The following ATAD3B variants were observed in gnomAD, a reference collection of about 807,000 sequenced individuals.
ATAD3B encodes the protein ATPase family AAA domain-containing protein 3B.
Under a neutral mutation model 70.2 loss-of-function variants are expected in ATAD3B, and 59 were observed. The ratio of observed to expected loss-of-function variants is 0.84; its 90% confidence interval spans 0.68 to 1.04. ATAD3B has a LOEUF of 1.04. Ranked by LOEUF, ATAD3B falls within the 50% of genes least tolerant of loss-of-function variation. The pLI is 0.00. For missense variants in ATAD3B, 961 were observed against 913.4 expected (o/e 1.05, Z -0.67); for synonymous variants, 423 against 388.6 (o/e 1.09, Z -1.04).
chr1:1,491,483 A>G (rs1232580727), intron 15 of ATAD3B, among the ~76,000 whole-genome samples: 1 of 151,930 alleles, frequency 6.6e-6, no homozygotes, highest in Non-Finnish European at 1.5e-5. Context: ...ATGAGCCAAG[A>G]TCGCACCACC....
chr1:1,483,445 G>A (rs1024002078), intron 7 of ATAD3B: 4 of 205,544 alleles, frequency 1.9e-5, no homozygotes, highest in African/African-American at 7.2e-5. Context: ...CCAACCTGTG[G>A]AAGAAGAGCG....
chr1:1,503,766 G>T, the ATAD3B span: 1 of 1,514,892 alleles, frequency 6.6e-7, no homozygotes. Context: ...CATGTACATG[G>T]GCAGCAGTGG....
Position 1,495,901 on chromosome 1 carries a change from A to T in ATAD3B, c.*84A>T, listed in dbSNP as rs1349944623. On this transcript the variant is annotated 3_prime_UTR_variant, in exon 16 of 16. Transcript: ENST00000673477. ...CATTTTCCGTCTGGCTCACAGGGGGAGGGTGAGGCTTTGTACCCCAGCCCC... is the reference window on the plus strand; with the variant it reads ...CATTTTCCGTCTGGCTCACAGGGGGTGGGTGAGGCTTTGTACCCCAGCCCC... 1.4e-6 allele frequency: 2 copies of T among 1,461,880 alleles called. No individual in the cohort carries two copies. Among genetic ancestry groups the T allele is most frequent in the African/African-American group, 2.8e-5 (2 of 70,652 alleles). The allele number at this position is 1,461,880 out of a possible 1,614,324, so 90.6% of individuals were successfully genotyped here. A position where few individuals can be genotyped will look rare whatever the true frequency, so the allele number is the denominator to read the frequency against.
At chr1:1,488,346 C>T (rs1367890555) in intron 12 of ATAD3B, among the ~76,000 whole-genome samples, 1 of 152,072 alleles carries the variant, frequency 6.6e-6, no homozygotes, top group Non-Finnish European at 1.5e-5. Context: ...CTGCCTCAGC[C>T]TCCCGAGAAG....
At chr1:1,476,410 A>C (rs1408503795) in intron 1 of ATAD3B, among the ~76,000 whole-genome samples, 3 of 151,578 alleles carry the variant, frequency 2.0e-5, no homozygotes, top group African/African-American at 7.3e-5. Flanking sequence ...CTGAAGGCTT[A>C]AAAAAGTGAG....
chr1:1,502,497 C>T (rs186143160), downstream of ATAD3B, among the ~76,000 whole-genome samples: 11,140 of 145,758 alleles, frequency 0.076, 507 homozygotes, highest in East Asian at 0.13. Context: ...CATGAGCCAC[C>T]GTGCCCAGCA....
chr1:1,478,333 C>A, intron 2 of ATAD3B: 1 of 1,213,670 alleles, frequency 8.2e-7, no homozygotes. Flanking sequence ...ACGAGCTCTG[C>A]CCTCATCACA....
At chr1:1,507,553 G>C in the ATAD3B span, among the ~76,000 whole-genome samples, 1 of 152,166 alleles carries the variant, frequency 6.6e-6, no homozygotes, top group South Asian at 2.1e-4. Flanking sequence ...TGCTTGGTCA[G>C]GGTGTATAAT....
chr1:1,506,787 C>CTT, the ATAD3B span, among the ~76,000 whole-genome samples: 17 of 120,044 alleles, frequency 1.4e-4, no homozygotes, highest in African/African-American at 2.2e-4. Context: ...TTTCTTTTTT[C>CTT]TTTTTTTTTT....
rs1410270515 is a variant in ATAD3B at position 1,485,060 on chromosome 1, G to A, written c.795G>A (p.Lys265=). ...TGGCTGTCGGGGTCTACTCAGCCAAGAATGCGACAGCCGTCACTGGCCGCT... is the reference window on the plus strand; with the variant it reads ...TGGCTGTCGGGGTCTACTCAGCCAAAAATGCGACAGCCGTCACTGGCCGCT... The part of the protein sequence containing the change: ...TLLAVGVYSA[K]NATAVTGRFI... Residue 265 remains lysine, a synonymous_variant, in exon 8 of 16, where the codon AAG becomes AAA. Transcript: ENST00000673477. The A allele has an allele frequency of 2.5e-6, 4 of 1,606,578 alleles. No individual in the cohort carries two copies. The highest frequency in any genetic ancestry group is 1.7e-5 in the Admixed American group (1 of 59,454).
chr1:1,479,091 G>C lies in ATAD3B; in HGVS notation c.427G>C (p.Asp143His), dbSNP rs765662707. Residue 143 changes from aspartate (D) to histidine (H), a missense_variant, in exon 4 of 16, where the codon GAC (aspartate) becomes CAC (histidine). Around this residue, in one of 4 missense-constraint regions of ATAD3B, gnomAD observed 187 missense variants for 244.3 expected, o/e 0.77. Coordinates refer to ENST00000673477, the MANE Select transcript of ATAD3B (RefSeq NM_031921.6). ...CAAGCTGGCCCGGCAGCGCTACGAG[G>C]ACCAACTGAAGCAGCAGGTGAGCTC... The part of the protein sequence containing the change: ...QDKLARQRYE[D>H]QLKQQQLLNE... 3 of 1,298,034 alleles carry C rather than the reference G, an allele frequency of 2.3e-6. No individual in the cohort carries two copies. The South Asian group carries it at 4.2e-5, about 18-fold the overall frequency. 80.4% of individuals were successfully genotyped at this position (1,298,034 alleles called of 1,614,324 possible).
intron 7 of ATAD3B, among the ~76,000 whole-genome samples, chr1:1,483,310 T>C (rs1238606047): frequency 1.3e-5 from 2 of 151,218 alleles, no homozygotes; most frequent in African/African-American, 4.9e-5. Flanking sequence ...CTGCTAAAAA[T>C]ACAAAAATTA....
rs1323271709 is a variant in ATAD3B, at chr1:1,487,771, GCCTGCCTGGCCTGCT to G, written c.1215-85_1215-71del. 6.0e-6 allele frequency: 9 copies of G among 1,490,074 alleles called. No individual in the cohort carries two copies. The Admixed American group carries it at 1.5e-4, about 25-fold the overall frequency. The allele number at this position is 1,490,074 out of a possible 1,614,324, so 92.3% of individuals were successfully genotyped here. On this transcript the variant is annotated intron_variant, in intron 11 of 15. Coordinates refer to ENST00000673477, the MANE Select transcript of ATAD3B (RefSeq NM_031921.6). ...GCAGAGCCTGACCCCGTGGGGATCT[GCCTGCCTGGCCTGCT>G]CCTGCCGCGGCCGGACGCTGCTGTG... is the stretch of plus-strand genomic sequence containing the variant.
intron 6 of ATAD3B, 103 bp from the exon 7 acceptor site, chr1:1,482,442 G>A (rs968800959): frequency 6.4e-5 from 102 of 1,602,012 alleles, no homozygotes; most frequent in Middle Eastern, 1.7e-4. Flanking sequence ...CCTCTGTCCT[G>A]GCAAGGCCGT....
intron 4 of ATAD3B, among the ~76,000 whole-genome samples, chr1:1,479,364 G>A (rs1308953373): frequency 6.9e-6 from 1 of 144,772 alleles, no homozygotes; most frequent in Non-Finnish European, 1.5e-5. Flanking sequence ...CACACTCCCG[G>A]CAGACAGGCA....
At position 1,473,969 on chromosome 1, in the gene ATAD3B, G is replaced by A. The variant is rs536309911; in HGVS notation, c.205+1880G>A. Among the ~76,000 whole-genome samples the A allele has an allele frequency of 8.6e-5, 13 of 152,046 alleles. No homozygotes were observed. In the South Asian group the frequency reaches 2.7e-3, roughly 32 times the overall value. On this transcript the variant is annotated intron_variant, in intron 1 of 15. Transcript: ENST00000673477. ...AGCTGAGGTTTCTGGCCCCGGCTGG[G>A]TCTCATAACCCCAGAGGGACATTCA...
Position 1,489,518 on chromosome 1 carries a change from C to A in ATAD3B, c.1337+244C>A, listed in dbSNP as rs1395164140. ...TTCACGGCCCTGTGCGCCGCCGCCC[C>A]AGCTTGCAGGTCCCTCTGCCCCTAG... On this transcript the variant is annotated intron_variant, in intron 13 of 15. Transcript: ENST00000673477. The A allele has an allele frequency of 5.1e-6, 5 of 981,740 alleles. No individual in the cohort carries two copies. The East Asian group carries it at 1.1e-4, about 22-fold the overall frequency. The allele number at this position is 981,740 out of a possible 1,614,324, so 60.8% of individuals were successfully genotyped here. A position where few individuals can be genotyped will look rare whatever the true frequency, so the allele number is the denominator to read the frequency against.
intron 1 of ATAD3B, among the ~76,000 whole-genome samples, chr1:1,476,095 G>A (rs1046703621): frequency 7.1e-6 from 1 of 140,896 alleles, no homozygotes; most frequent in African/African-American, 3.0e-5. Context: ...AGCCAAACCC[G>A]TTGACCTGGC....
intron 15 of ATAD3B, 100 bp from the exon 16 acceptor site, chr1:1,495,385 G>T (rs1640730290): frequency 1.4e-6 from 2 of 1,452,320 alleles, no homozygotes; most frequent in African/African-American, 1.4e-5. Flanking sequence ...GGTTGTCCTG[G>T]TGCCCCTGGT....
Sources: gnomAD v4.1 joint callset for allele counts (sites outside exome capture counted in the v4.1 genomes callset) on GRCh38, gnomAD v4.1.1 for gene constraint, gnomAD v4.1.1 regional missense constraint, MANE v1.5 for transcripts, NCBI Gene and HGNC (gene_info 2026-07-23, HGNC 2026-07-21) for gene names.